DUS2: variants seen among roughly 807,000 people sequenced by gnomAD.
DUS2 encodes the protein tRNA-dihydrouridine(20) synthase [NAD(P)+]-like.
DUS2 carries 52 observed loss-of-function variants against 71.3 expected under a neutral mutation model. The ratio of observed to expected loss-of-function variants is 0.73; its 90% CI spans 0.58 to 0.92. The LOEUF is 0.92. Ranked by LOEUF, DUS2 falls within the 40% of genes least tolerant of loss-of-function variation. The pLI, the probability that DUS2 is intolerant of heterozygous loss-of-function variation, is 0.00. For synonymous variants in DUS2, 204 were observed against 227.8 expected, an observed-to-expected ratio of 0.90 and a Z score of 0.94; for missense variants, 558 against 622.6, an observed-to-expected ratio of 0.90 and a Z score of 1.10.
intron 2 of DUS2, among the ~76,000 whole-genome samples, chr16:68,025,935 G>C (rs1355303103): frequency 2.0e-5 from 3 of 152,098 alleles, no homozygotes; most frequent in Admixed American, 2.0e-4. Flanking sequence ...CCAGGCATTG[G>C]TAGTGAGGAA....
chr16:68,048,828 T>C (rs1462467011), intron 3 of DUS2, among the ~76,000 whole-genome samples: 1 of 152,178 alleles, frequency 6.6e-6, no homozygotes, highest in East Asian at 1.9e-4. Context: ...AGGTGTCTGC[T>C]GAACAAAGCA....
At chr16:68,069,073 C>T (rs1168410284) in intron 10 of DUS2, among the ~76,000 whole-genome samples, 1 of 151,962 alleles carries the variant, frequency 6.6e-6, no homozygotes, top group African/African-American at 2.4e-5. Flanking sequence ...TTGACAGGGC[C>T]CTCGACCCTT....
At chr16:68,067,097 CTCCTTCCTTCCTTCTT>C (rs2034018211) in intron 10 of DUS2, among the ~76,000 whole-genome samples, 1 of 89,336 alleles carries the variant, frequency 1.1e-5, no homozygotes, top group Non-Finnish European at 2.3e-5. Context: ...CCTTCCTTCC[CTCCTTCCTTCCTTCTT>C]TCCTTCCTCC....
chr16:68,049,465 C>T lies in DUS2; in HGVS notation c.127-40C>T, dbSNP rs73604360. The T allele has an allele frequency of 9.4e-4, 1,513 of 1,608,642 alleles. 14 individuals carry two copies. The African/African-American group carries it at 0.018, about 19-fold the overall frequency. ...GAAAATCCTTCATGCCCAGAGCCTA[C>T]ATGTTCAGGAATGACAAGCGTCCTC... is the stretch of plus-strand genomic sequence containing the variant. On this transcript the variant is annotated intron_variant, in intron 3 of 16. Transcript: ENST00000565263.
intron 4 of DUS2, among the ~76,000 whole-genome samples, chr16:68,052,704 G>A (rs186127560): frequency 6.6e-5 from 10 of 151,200 alleles, no homozygotes; most frequent in Non-Finnish European, 1.0e-4. Flanking sequence ...GTGCAGTGGC[G>A]CGATCTCAGC....
At chr16:68,076,588 C>A in intron 14 of DUS2, 44 bp from the exon 15 acceptor site, 2 of 1,460,640 alleles carry the variant, frequency 1.4e-6, no homozygotes, top group Non-Finnish European at 1.9e-6. Context: ...AGGGAGGGAG[C>A]GGTGATGGTG....
At chr16:68,025,702 T>C (rs2033338705) in intron 2 of DUS2, among the ~76,000 whole-genome samples, 2 of 152,022 alleles carry the variant, frequency 1.3e-5, no homozygotes, top group Non-Finnish European at 2.9e-5. Flanking sequence ...CTACCTTTTT[T>C]CCCCCTCACT....
rs2034144406 is a variant in DUS2, at chr16:68,075,486, T to C, written c.1064T>C (p.Met355Thr). The C allele has an allele frequency of 6.2e-7, 1 of 1,612,620 alleles. No homozygotes were observed. The highest frequency in any genetic ancestry group is 1.7e-5 in the Admixed American group (1 of 59,836). ...PAEDTSGVIKMAVKFDRRAYP... is the reference protein window; with the variant it reads ...PAEDTSGVIKTAVKFDRRAYP... Reference sequence around the variant, plus strand: ...GAAGATACCTCTGGTGTCATTAAGATGGCTGTCAAGTTTGACCGGTAGGTC... The same window carrying C: ...GAAGATACCTCTGGTGTCATTAAGACGGCTGTCAAGTTTGACCGGTAGGTC... The change falls in exon 14 of 17, where the codon ATG becomes ACG. Residue 355 changes from methionine (M) to threonine (T), a missense_variant. Physicochemically the swap from Met to Thr is moderately conservative, Grantham distance 81. Coordinates refer to ENST00000565263, the MANE Select transcript of DUS2 (RefSeq NM_017803.5).
intron 4 of DUS2, 53 bp downstream of exon 4, chr16:68,049,603 A>G: frequency 1.3e-6 from 2 of 1,558,716 alleles, no homozygotes; most frequent in Non-Finnish European, 1.8e-6. Context: ...GGGCTCAAGC[A>G]GCACTACCAC....
intron 2 of DUS2, among the ~76,000 whole-genome samples, chr16:68,027,333 G>T (rs1484782140): frequency 6.6e-6 from 1 of 152,006 alleles, no homozygotes. Flanking sequence ...CCGCCTCCCG[G>T]GTTCAAGTGA....
In DUS2 at chr16:68,046,786, G is replaced by A. The variant is rs561624115; in HGVS notation, c.127-2719G>A. Among the ~76,000 whole-genome samples the A allele has an allele frequency of 3.0e-3, 452 of 149,024 alleles. 6 individuals are homozygous for A. Among genetic ancestry groups the A allele is most frequent in the African/African-American group, 0.011 (424 of 40,366 alleles). The stretch of plus-strand genomic sequence containing the variant: ...TTTTGAGACGAAGTCTTGCTCTGTC[G>A]CCGAGGCTGGAGTGTAGTGGCACCA... On this transcript the variant is annotated intron_variant, in intron 3 of 16. Coordinates refer to ENST00000565263, the MANE Select transcript of DUS2 (RefSeq NM_017803.5).
Position 68,069,224 on chromosome 16 carries a change from A to G in DUS2, c.555-910A>G, listed in dbSNP as rs141397068. On this transcript the variant is annotated intron_variant, in intron 10 of 16. Coordinates refer to ENST00000565263, the MANE Select transcript of DUS2 (RefSeq NM_017803.5). ...ACCAACATGGTAAAACCCTGTTTCT[A>G]CTAAAAAAAATACAAAATTAGCTAG... Among the ~76,000 whole-genome samples, 767 of 152,132 alleles carry G rather than the reference A, an allele frequency of 5.0e-3. 8 individuals carry two copies. Among genetic ancestry groups the G allele is most frequent in the African/African-American group, 0.017 (700 of 41,502 alleles).
intron 3 of DUS2, among the ~76,000 whole-genome samples, chr16:68,043,248 A>G (rs942264867): frequency 6.6e-6 from 1 of 152,094 alleles, no homozygotes; most frequent in Admixed American, 6.6e-5. Context: ...CTCTACAAAA[A>G]TACAAAAATT....
At chr16:68,051,907 T>C (rs2151419368) in intron 4 of DUS2, among the ~76,000 whole-genome samples, 1 of 152,196 alleles carries the variant, frequency 6.6e-6, no homozygotes, top group South Asian at 2.1e-4. Context: ...TTATTTATTT[T>C]ATATTTTTTG....
At chr16:68,056,646 G>A (rs1038300472) in intron 7 of DUS2, among the ~76,000 whole-genome samples, 4 of 151,738 alleles carry the variant, frequency 2.6e-5, no homozygotes, top group Admixed American at 6.6e-5. Context: ...AACTTCTGTG[G>A]TTATGTAACA....
intron 8 of DUS2, among the ~76,000 whole-genome samples, chr16:68,063,389 G>T (rs759769979): frequency 2.6e-5 from 4 of 152,160 alleles, no homozygotes; most frequent in Admixed American, 2.6e-4. Context: ...ATCTGTGGGA[G>T]TATCTCAAGA....
chr16:68,055,620 A>G (rs2033841200), intron 6 of DUS2, among the ~76,000 whole-genome samples: 1 of 152,084 alleles, frequency 6.6e-6, no homozygotes, highest in Admixed American at 6.6e-5. Context: ...AAATAGTGCT[A>G]CCAACCTCTG....
At chr16:68,046,432 G>A (rs948205129) in intron 3 of DUS2, among the ~76,000 whole-genome samples, 12 of 150,980 alleles carry the variant, frequency 7.9e-5, no homozygotes, top group Admixed American at 2.6e-4. Context: ...AGGCTAGAGT[G>A]CAGTGGCACG....
At chr16:68,063,127 G>A (rs1209008577) in intron 8 of DUS2, among the ~76,000 whole-genome samples, 2 of 152,222 alleles carry the variant, frequency 1.3e-5, no homozygotes, top group African/African-American at 2.4e-5. Flanking sequence ...TGAGGCAGCA[G>A]AGATACACTC....
Sources: allele counts gnomAD v4.1 joint callset (sites outside exome capture counted in the v4.1 genomes callset), GRCh38; gene constraint gnomAD v4.1.1; transcripts MANE v1.5; gene names NCBI Gene and HGNC (gene_info 2026-07-23, HGNC 2026-07-21).